Variants in GRK7 observed in about 807,000 individuals in gnomAD.
The protein encoded by GRK7 is G protein-coupled receptor kinase 7.
Under a neutral mutation model 34.1 loss-of-function variants are expected in GRK7, and 24 were observed. That is an observed-to-expected ratio of 0.70 (90% CI 0.51 to 0.99). The LOEUF is 0.99. GRK7 is among the 50% of genes least tolerant of loss of function. GRK7 has a pLI of 0.00. For missense variants in GRK7, 644 were observed against 707.3 expected (o/e 0.91, Z 1.02); for synonymous variants, 256 against 279.4 (o/e 0.92, Z 0.84).
intron 4 of GRK7, among the ~76,000 whole-genome samples, chr3:141,798,697 A>G (rs1366142332): frequency 1.3e-5 from 2 of 152,188 alleles, no homozygotes; most frequent in Admixed American, 6.5e-5. Context: ...CTGAGGAGGC[A>G]GTTCACATGC....
intron 3 of GRK7, among the ~76,000 whole-genome samples, chr3:141,779,380 C>T (rs562212634): frequency 2.8e-5 from 4 of 142,504 alleles, no homozygotes; most frequent in East Asian, 2.1e-4. Flanking sequence ...CGTGCCACTG[C>T]ACTCCAGCCT....
At chr3:141,756,950 AT>A in the GRK7 span, among the ~76,000 whole-genome samples, 1 of 152,022 alleles carries the variant, frequency 6.6e-6, no homozygotes, top group African/African-American at 2.4e-5. Context: ...GGAAGAAGTG[AT>A]TTTTTTAAGG....
Position 141,765,684 on chromosome 3 carries a change from G to A in GRK7, c.-269G>A, listed in dbSNP as rs987538825. On this transcript the variant is annotated 5_prime_UTR_variant, in exon 1 of 6. Transcript: ENST00000682958. ...CTCAACCACCCCAGCTCTCCCAGCTGAGCTCAGCCACCCACCGATCCCCCA... is the reference window on the plus strand; with the variant it reads ...CTCAACCACCCCAGCTCTCCCAGCTAAGCTCAGCCACCCACCGATCCCCCA... Among the ~76,000 whole-genome samples the A allele has an allele frequency of 1.3e-5, 2 of 152,086 alleles. No homozygotes were observed. The highest frequency in any genetic ancestry group is 2.9e-5 in the Non-Finnish European group (2 of 68,030).
intron 4 of GRK7, among the ~76,000 whole-genome samples, chr3:141,794,428 T>C (rs2084739798): frequency 6.6e-6 from 1 of 152,114 alleles, no homozygotes; most frequent in Non-Finnish European, 1.5e-5. Flanking sequence ...TATCTCTTGC[T>C]TTAGGGGAAA....
At chr3:141,763,108 C>A (rs2107868866), upstream of GRK7, among the ~76,000 whole-genome samples, 1 of 152,360 alleles carries the variant, frequency 6.6e-6, no homozygotes, top group East Asian at 1.9e-4. Context: ...ACGCTGGGAG[C>A]TGTAGACCGG....
intron 4 of GRK7, among the ~76,000 whole-genome samples, chr3:141,800,062 ATGTTGTTTATAGTCTCTTTATGCCTC>A (rs1710935314): frequency 6.6e-6 from 1 of 152,140 alleles, no homozygotes; most frequent in Non-Finnish European, 1.5e-5. Flanking sequence ...CTTCGTTTGG[ATGTTGTTTATAGTCTCTTTATGCCTC>A]TGCCACCCCA....
rs73872322 is a variant in GRK7 at position 141,771,444 on chromosome 3, A to G, written c.-214-3136A>G. 4.6e-4 allele frequency among the ~76,000 whole-genome samples: 61 copies of G among 133,750 alleles called. 1 individual carries two copies. In the East Asian group the frequency reaches 5.5e-3, roughly 12 times the overall value. The allele number at this position is 133,750 out of a possible 152,430, so 87.7% of individuals were successfully genotyped here. A position where few individuals can be genotyped will look rare whatever the true frequency, so the allele number is the denominator to read the frequency against. On this transcript the variant is annotated intron_variant, in intron 1 of 5. Coordinates refer to ENST00000682958, the MANE Select transcript of GRK7 (RefSeq NM_139209.3). Reference sequence around the variant, plus strand: ...AGTAGAATAATAAACACTAAAGTCTAGGAAGGATGGGAGGGTAAGAAGGTG... The same window carrying G: ...AGTAGAATAATAAACACTAAAGTCTGGGAAGGATGGGAGGGTAAGAAGGTG...
At chr3:141,772,891 G>A (rs1425924302) in intron 1 of GRK7, among the ~76,000 whole-genome samples, 1 of 152,146 alleles carries the variant, frequency 6.6e-6, no homozygotes. Context: ...CCAGCACTTT[G>A]GGAGGCTGAG....
At chr3:141,785,267 G>A (rs1000715227) in intron 4 of GRK7, among the ~76,000 whole-genome samples, 4 of 152,174 alleles carry the variant, frequency 2.6e-5, no homozygotes, top group Admixed American at 1.3e-4. Context: ...TCTTGTATAA[G>A]TTGGGATTTC....
At chr3:141,756,280 C>G in the GRK7 span, among the ~76,000 whole-genome samples, 1 of 145,440 alleles carries the variant, frequency 6.9e-6, no homozygotes. Context: ...CTACTGCACT[C>G]CAGCCTGGGC....
In GRK7 at chr3:141,764,026, A is replaced by C. The variant is rs1370392110; in HGVS notation, c.-1927A>C. ...TCATTGCTGCTCTCCTTCCTTCCCT[A>C]AAAACACCCAGCTTTGAGTCTCATG... On this transcript the variant is annotated 5_prime_UTR_variant, in exon 1 of 6. Transcript: ENST00000682958. 1.3e-5 allele frequency among the ~76,000 whole-genome samples: 2 copies of C among 152,074 alleles called. No homozygotes were observed. The highest frequency in any genetic ancestry group is 4.8e-5 in the African/African-American group (2 of 41,404).
At chr3:141,807,503 T>G in intron 4 of GRK7, 142 bp from the exon 5 acceptor site, 1 of 752,230 alleles carries the variant, frequency 1.3e-6, no homozygotes, top group South Asian at 1.9e-5. Flanking sequence ...GTTAGACACA[T>G]TGCCACCCCA....
At chr3:141,803,227 G>C (rs1162473186) in intron 4 of GRK7, among the ~76,000 whole-genome samples, 1 of 138,484 alleles carries the variant, frequency 7.2e-6, no homozygotes, top group East Asian at 2.2e-4. Context: ...AGGAGTTTAA[G>C]ACCAGCCTGG....
chr3:141,818,964 G>A lies in GRK7; in HGVS notation c.*1914G>A, dbSNP rs1711182711. Reference sequence around the variant, plus strand: ...CCCGCTCCTCCTCCATCCTCAGCATGCTCCCTAATGCTCCAAATCCTAACC... The same window carrying A: ...CCCGCTCCTCCTCCATCCTCAGCATACTCCCTAATGCTCCAAATCCTAACC... On this transcript the variant is annotated 3_prime_UTR_variant, in exon 6 of 6. Transcript: ENST00000682958. Among the ~76,000 whole-genome samples, 1 of 152,166 alleles carries A rather than the reference G, an allele frequency of 6.6e-6. No homozygotes were observed. The highest frequency in any genetic ancestry group is 6.6e-5 in the Admixed American group (1 of 15,266).
the GRK7 span, among the ~76,000 whole-genome samples, chr3:141,752,945 CA>C: frequency 1.3e-5 from 2 of 152,206 alleles, no homozygotes; most frequent in Non-Finnish European, 2.9e-5. Flanking sequence ...ACTCCCCAGC[CA>C]TCAACCCTGC....
chr3:141,794,210 C>T (rs1308579556), intron 4 of GRK7, among the ~76,000 whole-genome samples: 1 of 152,194 alleles, frequency 6.6e-6, no homozygotes, highest in African/African-American at 2.4e-5. Context: ...ACTTAAAAGA[C>T]ACAAATTCAA....
At chr3:141,792,949 T>C (rs1478907100) in intron 4 of GRK7, among the ~76,000 whole-genome samples, 1 of 152,104 alleles carries the variant, frequency 6.6e-6, no homozygotes, top group African/African-American at 2.4e-5. Flanking sequence ...TTCAGAGAGC[T>C]TCCTGATAGC....
Position 141,818,043 on chromosome 3 carries a change from T to G in GRK7, c.*993T>G, listed in dbSNP as rs539875367. On this transcript the variant is annotated 3_prime_UTR_variant, in exon 6 of 6. Coordinates refer to ENST00000682958, the MANE Select transcript of GRK7 (RefSeq NM_139209.3). ...CAAATGTCCCCAAAGCATGTCATTT[T>G]AGTAATTGCAGTATAAATGAAACAA... The G allele has an allele frequency of 6.6e-6, 1 of 152,368 alleles. No individual in the cohort carries two copies. Among genetic ancestry groups the G allele is most frequent in the African/African-American group, 2.4e-5 (1 of 41,600 alleles). The allele number at this position is 152,368 out of a possible 1,614,324, so 9.4% of individuals were successfully genotyped here.
At position 141,763,522 on chromosome 3, in the gene GRK7, G is replaced by C. The variant is rs1171676318; in HGVS notation, c.-2431G>C. ...ACAGACGAGGAACCAGGGCCCCAGT[G>C]CTGTGCCTAAGACCTCCTTCAACTT... On this transcript the variant is annotated 5_prime_UTR_variant, in exon 1 of 6. Coordinates refer to ENST00000682958, the MANE Select transcript of GRK7 (RefSeq NM_139209.3). Among the ~76,000 whole-genome samples, 1 of 152,170 alleles carries C rather than the reference G, an allele frequency of 6.6e-6. No individual in the cohort carries two copies. The highest frequency in any genetic ancestry group is 1.9e-4 in the East Asian group (1 of 5,188).
Sources: gnomAD v4.1 joint callset for allele counts (sites outside exome capture counted in the v4.1 genomes callset) on GRCh38, gnomAD v4.1.1 for gene constraint, MANE v1.5 for transcripts, NCBI Gene and HGNC (gene_info 2026-07-23, HGNC 2026-07-21) for gene names.